The following PTPRD variants were observed in gnomAD, a reference collection of about 807,000 sequenced individuals.
PTPRD encodes the protein protein tyrosine phosphatase receptor type D, also known as receptor-type tyrosine-protein phosphatase delta.
A neutral mutation model predicts 214.5 loss-of-function variants in PTPRD; 34 were observed. The observed-to-expected ratio is 0.16, with a 90% confidence interval of 0.12 to 0.21. The LOEUF (loss-of-function observed/expected upper bound fraction) is 0.21. PTPRD is among the 10% of genes least tolerant of loss of function. PTPRD has a pLI of 1.00. For synonymous variants in PTPRD, 1,128 were observed against 845.7 expected (o/e 1.33, Z -5.79); for missense variants, 2,545 against 2,398.7 (o/e 1.06, Z -1.27).
chr9:9,480,994 C>T (rs1450138333), intron 8 of PTPRD, among the ~76,000 whole-genome samples: 1 of 151,986 alleles, frequency 6.6e-6, no homozygotes, highest in Non-Finnish European at 1.5e-5. Flanking sequence ...CCTACGTTAT[C>T]TGTTGAAGAC....
intron 6 of PTPRD, among the ~76,000 whole-genome samples, chr9:9,757,852 A>G (rs2098602627): frequency 6.6e-6 from 1 of 152,092 alleles, no homozygotes; most frequent in Non-Finnish European, 1.5e-5. Context: ...TGACTCTGCT[A>G]ATTTTTACCA....
At chr9:9,393,087 C>T (rs907311066) in intron 9 of PTPRD, among the ~76,000 whole-genome samples, 3 of 152,012 alleles carry the variant, frequency 2.0e-5, no homozygotes, top group Non-Finnish European at 4.4e-5. Context: ...CCTTTTTTAC[C>T]CAATAAATTG....
chr9:8,803,614 T>C (rs1286006191), intron 11 of PTPRD, among the ~76,000 whole-genome samples: 1 of 152,046 alleles, frequency 6.6e-6, no homozygotes, highest in African/African-American at 2.4e-5. Flanking sequence ...AGGCCTATAG[T>C]CCTGGAGGCT....
chr9:8,489,531 G>C (rs2097105754), intron 27 of PTPRD, among the ~76,000 whole-genome samples: 1 of 152,190 alleles, frequency 6.6e-6, no homozygotes, highest in Admixed American at 6.5e-5. Flanking sequence ...AGAAATGAAT[G>C]CTTATGCAGC....
chr9:8,390,609 A>G (rs780031182), intron 36 of PTPRD, among the ~76,000 whole-genome samples: 1 of 152,156 alleles, frequency 6.6e-6, no homozygotes, highest in Non-Finnish European at 1.5e-5. Flanking sequence ...CTAATGACAA[A>G]AGAGTAAATA....
At chr9:10,506,370 C>T (rs1461125631) in intron 2 of PTPRD, among the ~76,000 whole-genome samples, 1 of 151,990 alleles carries the variant, frequency 6.6e-6, no homozygotes, top group Non-Finnish European at 1.5e-5. Flanking sequence ...ATACTATTAG[C>T]CAAAGTAGAG....
At chr9:9,922,515 G>A (rs1466565584) in intron 5 of PTPRD, among the ~76,000 whole-genome samples, 1 of 151,982 alleles carries the variant, frequency 6.6e-6, no homozygotes, top group East Asian at 1.9e-4. Flanking sequence ...CAAAATTTCA[G>A]CATGAGTAGT....
intron 33 of PTPRD, chr9:8,452,018 A>T (rs1050471014): frequency 4.3e-5 from 13 of 302,270 alleles, no homozygotes; most frequent in South Asian, 1.5e-4. Flanking sequence ...TGGTGCAAGG[A>T]AAGTTAGGAA....
intron 37 of PTPRD, among the ~76,000 whole-genome samples, chr9:8,386,282 C>T (rs932690557): frequency 2.6e-5 from 4 of 152,190 alleles, no homozygotes; most frequent in African/African-American, 7.2e-5. Flanking sequence ...TGTCCTCTCT[C>T]ATGGTGGTAT....
chr9:10,275,046 AG>A, intron 3 of PTPRD, among the ~76,000 whole-genome samples: 1 of 152,262 alleles, frequency 6.6e-6, no homozygotes, highest in East Asian at 1.9e-4. Context: ...CTTGGAAATC[AG>A]GGCACTAGTT....
chr9:9,374,547 A>G (rs1169441656), intron 9 of PTPRD, among the ~76,000 whole-genome samples: 5 of 152,206 alleles, frequency 3.3e-5, no homozygotes, highest in Non-Finnish European at 7.3e-5. Flanking sequence ...TAATAAAGTA[A>G]GGTAAAGTAA....
rs10977194 is a variant in PTPRD at position 8,542,257 on chromosome 9, T to C, written c.353-13478A>G. 9.9e-3 allele frequency among the ~76,000 whole-genome samples: 1,509 copies of C among 152,244 alleles called. 30 individuals are homozygous for C. Among genetic ancestry groups the C allele is most frequent in the African/African-American group, 0.034 (1,432 of 41,530 alleles). On this transcript the variant is annotated intron_variant, in intron 14 of 45. Coordinates refer to ENST00000381196, the MANE Select transcript of PTPRD (RefSeq NM_002839.4). ...GGAGTGTATGTCGCTTATCACAAAA[T>C]TGGCATTAAAAAATGGCTTTTTAAC... is the stretch of plus-strand genomic sequence containing the variant.
At chr9:8,959,223 T>C (rs904483700) in intron 11 of PTPRD, among the ~76,000 whole-genome samples, 1 of 151,956 alleles carries the variant, frequency 6.6e-6, no homozygotes, top group East Asian at 1.9e-4. Context: ...AGATGAACCC[T>C]GGAAAAGTTT....
At chr9:10,483,206 T>C (rs570764913) in intron 2 of PTPRD, among the ~76,000 whole-genome samples, 1 of 152,230 alleles carries the variant, frequency 6.6e-6, no homozygotes, top group East Asian at 1.9e-4. Context: ...TTCCATATAT[T>C]TTGCTGAGAA....
intron 2 of PTPRD, among the ~76,000 whole-genome samples, chr9:10,357,952 T>C (rs1387521769): frequency 6.6e-6 from 1 of 152,136 alleles, no homozygotes; most frequent in Middle Eastern, 3.2e-3. Context: ...TAAAGCAATA[T>C]TGACCAAATT....
chr9:9,170,364 GA>G (rs1172652032), intron 10 of PTPRD, among the ~76,000 whole-genome samples: 1 of 152,064 alleles, frequency 6.6e-6, no homozygotes, highest in Non-Finnish European at 1.5e-5. Context: ...TCACTGAATA[GA>G]AAAAAATAAA....
intron 11 of PTPRD, among the ~76,000 whole-genome samples, chr9:8,909,043 A>G (rs2098728346): frequency 6.6e-6 from 1 of 151,616 alleles, no homozygotes; most frequent in Non-Finnish European, 1.5e-5. Context: ...GATGAAAAAG[A>G]CAAACTTCAA....
chr9:9,710,330 C>A (rs920604292), intron 7 of PTPRD, among the ~76,000 whole-genome samples: 3 of 152,024 alleles, frequency 2.0e-5, no homozygotes, highest in African/African-American at 7.2e-5. Context: ...AAAATTTAGT[C>A]TTAACTTCTT....
intron 39 of PTPRD, among the ~76,000 whole-genome samples, chr9:8,344,250 C>T (rs1013555944): frequency 6.6e-6 from 1 of 152,068 alleles, no homozygotes; most frequent in African/African-American, 2.4e-5. Context: ...GGAAACCACA[C>T]TGTAAACCTT....
Sources: allele counts gnomAD v4.1 joint callset (sites outside exome capture counted in the v4.1 genomes callset), GRCh38; gene constraint gnomAD v4.1.1; transcripts MANE v1.5; gene names NCBI Gene and HGNC (gene_info 2026-07-23, HGNC 2026-07-21).